The following LARP1 variants were observed in gnomAD, a reference collection of about 807,000 sequenced individuals.
LARP1 encodes la-related protein 1.
LARP1 carries 36 observed loss-of-function variants against 122.7 expected under a neutral mutation model. The ratio of observed to expected loss-of-function variants is 0.29; its 90% CI spans 0.22 to 0.39. The LOEUF (loss-of-function observed/expected upper bound fraction) is 0.39. Ranked by LOEUF, LARP1 falls within the 10% of genes least tolerant of loss-of-function variation. The pLI is 1.00. For missense variants in LARP1, 1,040 were observed against 1,403.6 expected (o/e 0.74, Z 4.14); for synonymous variants, 539 against 528.7 (o/e 1.02, Z -0.27).
At position 154,788,564 on chromosome 5, in the gene LARP1, G is replaced by C. The variant is rs546859395; in HGVS notation, c.437-1761G>C. Among the ~76,000 whole-genome samples the C allele has an allele frequency of 1.6e-3, 249 of 152,308 alleles. 1 individual carries two copies. Among genetic ancestry groups the C allele is most frequent in the Admixed American group, 3.1e-3 (47 of 15,302 alleles). The stretch of plus-strand genomic sequence containing the variant: ...TTGGGGGCAGCTCTCGCCCTGGCAT[G>C]GCTGGCCAACAGTACAGGCAAAGTG... On this transcript the variant is annotated intron_variant, in intron 1 of 18. Transcript: ENST00000518297.
chr5:154,742,729 C>CAA (rs542787090), intron 1 of LARP1, among the ~76,000 whole-genome samples: 32 of 77,396 alleles, frequency 4.1e-4, no homozygotes, highest in African/African-American at 1.3e-3. Context: ...GACCCTGTCT[C>CAA]AAAAAAAAAA....
chr5:154,776,403 T>C (rs1024872599), intron 1 of LARP1, among the ~76,000 whole-genome samples: 1 of 152,184 alleles, frequency 6.6e-6, no homozygotes. Flanking sequence ...GTGCTGGAGA[T>C]TAGACTGGTG....
At chr5:154,754,413 T>C (rs1011907629), upstream of LARP1, among the ~76,000 whole-genome samples, 3 of 152,190 alleles carry the variant, frequency 2.0e-5, no homozygotes, top group African/African-American at 7.2e-5. Flanking sequence ...CCCACGAAGC[T>C]GGAAGTCACT....
At chr5:154,789,305 C>T (rs1421381949) in intron 1 of LARP1, among the ~76,000 whole-genome samples, 5 of 150,452 alleles carry the variant, frequency 3.3e-5, no homozygotes, top group African/African-American at 7.3e-5. Context: ...CTGCAACCCC[C>T]GCCTCCCGGG....
chr5:154,695,236 T>G (rs1443690475), intron 1 of LARP1, among the ~76,000 whole-genome samples: 1 of 151,282 alleles, frequency 6.6e-6, no homozygotes, highest in Non-Finnish European at 1.5e-5. Context: ...GGCGTGAACC[T>G]GGGAGGCGGA....
chr5:154,734,546 T>C (rs551887384), intron 1 of LARP1, among the ~76,000 whole-genome samples: 1 of 152,290 alleles, frequency 6.6e-6, no homozygotes, highest in East Asian at 1.9e-4. Context: ...AAAAGGACAT[T>C]TGACAAAAAT....
chr5:154,692,996 T>A (rs987754719), intron 1 of LARP1, among the ~76,000 whole-genome samples: 18 of 150,698 alleles, frequency 1.2e-4, no homozygotes, highest in Admixed American at 1.2e-3. Flanking sequence ...TAATTATTTT[T>A]TTTTTTTTTG....
At chr5:154,698,572 G>T (rs1180263088) in intron 1 of LARP1, among the ~76,000 whole-genome samples, 1 of 152,162 alleles carries the variant, frequency 6.6e-6, no homozygotes, top group Non-Finnish European at 1.5e-5. Context: ...ACTCCAGCCT[G>T]GGCGACAAGA....
intron 1 of LARP1, chr5:154,729,304 C>T: frequency 5.4e-6 from 1 of 183,994 alleles, no homozygotes. Context: ...GGAGTTGTTC[C>T]TTTGGCCACA....
In LARP1 at chr5:154,755,496, C is replaced by CG. The variant is rs1210530450; in HGVS notation, c.-254dup. ...GTGGGGGCGTCTTGCGAGGAACGGG[C>CG]GGGGGGGGACGCACGCCTAGGAGGC... On this transcript the variant is annotated 5_prime_UTR_variant, in exon 1 of 19. Coordinates refer to ENST00000518297, the MANE Select transcript of LARP1 (RefSeq NM_033551.3). The CG allele has an allele frequency of 8.1e-4, 760 of 940,748 alleles. No homozygotes were observed. Among genetic ancestry groups the CG allele is most frequent in the African/African-American group, 1.4e-3 (76 of 55,592 alleles). 58.3% of individuals were successfully genotyped at this position (940,748 alleles called of 1,614,324 possible).
At chr5:154,750,023 C>G (rs912433482) in intron 1 of LARP1, among the ~76,000 whole-genome samples, 1 of 152,184 alleles carries the variant, frequency 6.6e-6, no homozygotes, top group Non-Finnish European at 1.5e-5. Context: ...ATGGAAGGCT[C>G]AGGAGGCTGC....
intron 10 of LARP1, among the ~76,000 whole-genome samples, chr5:154,800,725 C>T (rs1758281590): frequency 6.6e-6 from 1 of 152,206 alleles, no homozygotes; most frequent in South Asian, 2.1e-4. Flanking sequence ...CTCACTGTCA[C>T]CCACTTTGGA....
At chr5:154,778,595 A>C (rs766991344) in intron 1 of LARP1, among the ~76,000 whole-genome samples, 1 of 152,232 alleles carries the variant, frequency 6.6e-6, no homozygotes, top group East Asian at 1.9e-4. Context: ...AAATCACAAG[A>C]TGTTAGAACT....
chr5:154,808,010 CTT>C (rs1187580581), intron 15 of LARP1, among the ~76,000 whole-genome samples: 1 of 152,000 alleles, frequency 6.6e-6, no homozygotes, highest in African/African-American at 2.4e-5. Flanking sequence ...TTCATTTTCT[CTT>C]GTTTTGTTGC....
At chr5:154,784,620 G>A (rs1406946155) in intron 1 of LARP1, among the ~76,000 whole-genome samples, 1 of 152,196 alleles carries the variant, frequency 6.6e-6, no homozygotes, top group Non-Finnish European at 1.5e-5. Context: ...GGTCCTGAAG[G>A]CTTTCTTTGA....
rs570649901 is a variant in LARP1, at chr5:154,779,618, C to T, written c.437-10707C>T. 2.0e-5 allele frequency among the ~76,000 whole-genome samples: 3 copies of T among 151,790 alleles called. No individual in the cohort carries two copies. The South Asian group carries it at 6.2e-4, about 32-fold the overall frequency. Reference sequence around the variant, plus strand: ...CCACCTCCCGGATTCAAGCGATTCTCCTGCCTAAGCCTCCCGAGTAACTGG... The same window carrying T: ...CCACCTCCCGGATTCAAGCGATTCTTCTGCCTAAGCCTCCCGAGTAACTGG... On this transcript the variant is annotated intron_variant, in intron 1 of 18. Transcript: ENST00000518297.
chr5:154,804,152 A>T, intron 13 of LARP1, 49 bp from the exon 14 acceptor site: 1 of 1,353,690 alleles, frequency 7.4e-7, no homozygotes, highest in Non-Finnish European at 1.1e-6. Flanking sequence ...GATGCTCCTC[A>T]GAGTTGTAGG....
At chr5:154,800,339 T>C (rs1758246452) in intron 10 of LARP1, among the ~76,000 whole-genome samples, 1 of 152,242 alleles carries the variant, frequency 6.6e-6, no homozygotes, top group Non-Finnish European at 1.5e-5. Flanking sequence ...TCTTGATTCT[T>C]GGCTCTTCTT....
upstream of LARP1, among the ~76,000 whole-genome samples, chr5:154,708,231 A>G (rs1459254001): frequency 6.6e-6 from 1 of 152,148 alleles, no homozygotes; most frequent in Non-Finnish European, 1.5e-5. Context: ...AGAAATCCCA[A>G]TGCTCACTCG....
Sources: gnomAD v4.1 joint callset for allele counts (sites outside exome capture counted in the v4.1 genomes callset) on GRCh38, gnomAD v4.1.1 for gene constraint, MANE v1.5 for transcripts, NCBI Gene and HGNC (gene_info 2026-07-23, HGNC 2026-07-21) for gene names.